Variants in FIG4 observed in about 807,000 individuals in gnomAD.
FIG4 encodes polyphosphoinositide phosphatase.
FIG4 carries 112 observed loss-of-function variants against 118.6 expected under a neutral mutation model. The observed-to-expected ratio is 0.94, with a 90% CI of 0.81 to 1.11. The LOEUF is 1.11. Among genes scored for constraint, FIG4 ranks in the 50% least tolerant of loss-of-function variants. The pLI is 0.00. For synonymous variants in FIG4, 369 were observed against 381.2 expected, an observed-to-expected ratio of 0.97 and a Z score of 0.37; for missense variants, 969 against 1,111.7, an observed-to-expected ratio of 0.87 and a Z score of 1.83.
intron 22 of FIG4, among the ~76,000 whole-genome samples, chr6:109,804,080 T>A (rs1266946434): frequency 6.6e-6 from 1 of 152,180 alleles, no homozygotes; most frequent in African/African-American, 2.4e-5. Context: ...GAAGACTTTA[T>A]GGTTTTTAAT....
At chr6:109,744,805 A>T (rs1253042709) in intron 10 of FIG4, among the ~76,000 whole-genome samples, 1 of 84,732 alleles carries the variant, frequency 1.2e-5, no homozygotes, top group African/African-American at 4.3e-5. Flanking sequence ...CCCACCCCCC[A>T]ACAGGCCCCA....
chr6:109,799,636 A>G (rs1451064954), intron 22 of FIG4, among the ~76,000 whole-genome samples: 2 of 152,236 alleles, frequency 1.3e-5, no homozygotes, highest in Non-Finnish European at 2.9e-5. Flanking sequence ...TGAAATCATG[A>G]AGAAACCATT....
chr6:109,699,878 G>C lies in FIG4; in HGVS notation c.66+8377G>C, dbSNP rs138750800. Among the ~76,000 whole-genome samples the C allele has an allele frequency of 3.8e-3, 572 of 152,234 alleles. 1 individual carries two copies. Among genetic ancestry groups the C allele is most frequent in the South Asian group, 8.3e-3 (40 of 4,816 alleles). On this transcript the variant is annotated intron_variant, in intron 1 of 22. Transcript: ENST00000230124. ...GTAACAAAATCCCATCAACTAGTTG[G>C]CTTACGATTTTCACAGTTTGGAGGC...
chr6:109,727,350 A>G, intron 4 of FIG4, 85 bp downstream of exon 4: 1 of 1,110,972 alleles, frequency 9.0e-7, no homozygotes, highest in Non-Finnish European at 1.4e-6. Context: ...ATATAATGGC[A>G]TGGTCATAGC....
intron 10 of FIG4, among the ~76,000 whole-genome samples, chr6:109,746,939 G>T (rs1369566941): frequency 6.6e-6 from 1 of 151,936 alleles, no homozygotes; most frequent in Non-Finnish European, 1.5e-5. Context: ...AGGGAGTAGG[G>T]GGTGTCAGGC....
At chr6:109,825,041 C>G (rs377682591) in intron 22 of FIG4, 47 bp from the exon 23 acceptor site, 23 of 1,566,986 alleles carry the variant, frequency 1.5e-5, no homozygotes, top group Admixed American at 3.3e-5. Flanking sequence ...TGTGGTCCTT[C>G]CTTATATTTT....
Position 109,691,489 on chromosome 6 carries a change from T to C in FIG4, c.54T>C (p.Tyr18=), listed in dbSNP as rs746307320. 1.4e-5 allele frequency: 22 copies of C among 1,580,010 alleles called. No homozygotes were observed. The Admixed American group carries it at 2.5e-4, about 18-fold the overall frequency. The change falls in exon 1 of 23, where the codon TAT becomes TAC. Residue 18 remains tyrosine, a synonymous_variant. Transcript: ENST00000230124. ...IISSVQKLVL[Y]ETRARYFLVG... ...GCTCGGTCCAGAAGCTGGTTCTGTA[T>C]GAGACTAGAGCTGTGAGTACCCCCT... is the stretch of plus-strand genomic sequence containing the variant.
intron 3 of FIG4, among the ~76,000 whole-genome samples, chr6:109,720,346 T>C (rs1225814668): frequency 6.6e-6 from 1 of 152,246 alleles, no homozygotes; most frequent in Non-Finnish European, 1.5e-5. Flanking sequence ...ACGTGTGAAA[T>C]GACTAGAATG....
At chr6:109,724,031 T>G (rs1775695907) in intron 3 of FIG4, among the ~76,000 whole-genome samples, 1 of 152,184 alleles carries the variant, frequency 6.6e-6, no homozygotes, top group Non-Finnish European at 1.5e-5. Flanking sequence ...TCCATGAAGT[T>G]TGTTCTTTTG....
Position 109,766,816 on chromosome 6 carries a change from C to T in FIG4, c.1671C>T (p.Tyr557=), listed in dbSNP as rs1164244433. ...AACTTGTTCATCGTGTGAAAACCTA[C>T]AGAAAGATAGCACCATGGACCCAGC... ...GSQLVHRVKT[Y]RKIAPWTQHS... Residue 557 remains tyrosine, a synonymous_variant, in exon 15 of 23, where the codon TAC becomes TAT. Transcript: ENST00000230124. 1 of 1,613,886 alleles carries T rather than the reference C, an allele frequency of 6.2e-7. No homozygotes were observed. The highest frequency in any genetic ancestry group is 8.5e-7 in the Non-Finnish European group (1 of 1,179,820).
Position 109,786,367 on chromosome 6 carries a change from G to A in FIG4, c.2014G>A (p.Asp672Asn). 6.2e-7 allele frequency: 1 copy of A among 1,613,738 alleles called. No homozygotes were observed. Among genetic ancestry groups the A allele is most frequent in the South Asian group, 1.1e-5 (1 of 91,072 alleles). ...ATTCCACAAATATGAAGAAGAGATT[G>A]ATATCCACAATGAGTTCTTTCGGCC... ...KKFHKYEEEI[D>N]IHNEFFRPYE... is the part of the protein sequence containing the mutation. Residue 672 changes from aspartate to asparagine, a missense_variant, in exon 18 of 23, where the codon GAT becomes AAT. Around this residue, in one of 3 missense-constraint regions of FIG4, gnomAD observed 330 missense variants for 348.1 expected, o/e 0.95. Transcript: ENST00000230124.
intron 7 of FIG4, 63 bp from the exon 8 acceptor site, chr6:109,741,381 A>G: frequency 4.0e-6 from 4 of 1,011,754 alleles, no homozygotes; most frequent in Non-Finnish European, 6.3e-6. Context: ...TTTAAGGAAT[A>G]ATGACTCTCT....
intron 17 of FIG4, among the ~76,000 whole-genome samples, chr6:109,785,256 G>T (rs1040146621): frequency 1.3e-5 from 2 of 152,114 alleles, no homozygotes. Flanking sequence ...CCAATACCTT[G>T]TATTGTGTCT....
At chr6:109,741,330 G>A in intron 7 of FIG4, 114 bp from the exon 8 acceptor site, 1 of 789,040 alleles carries the variant, frequency 1.3e-6, no homozygotes, top group South Asian at 1.3e-5. Context: ...GGAGCTTTTG[G>A]TGTTCTTTAA....
Position 109,762,317 on chromosome 6 carries a change from G to A in FIG4, c.1388+110G>A, listed in dbSNP as rs1032934126. The A allele has an allele frequency of 5.5e-6, 4 of 727,806 alleles. No homozygotes were observed. The African/African-American group carries it at 7.0e-5, about 13-fold the overall frequency. 45.1% of individuals were successfully genotyped at this position (727,806 alleles called of 1,614,324 possible). On this transcript the variant is annotated intron_variant, in intron 12 of 22. Transcript: ENST00000230124. ...AAATTGGATGAATTTAGTCCTGGGG[G>A]GAGGCACACTGCTCACATGACTGAG...
At chr6:109,753,377 G>C (rs1371389014) in intron 10 of FIG4, among the ~76,000 whole-genome samples, 7 of 151,884 alleles carry the variant, frequency 4.6e-5, no homozygotes, top group Non-Finnish European at 8.8e-5. Context: ...CAGGTAGCGT[G>C]ATGCCTCCAG....
intron 15 of FIG4, among the ~76,000 whole-genome samples, chr6:109,773,201 T>C (rs1777518086): frequency 6.6e-6 from 1 of 152,222 alleles, no homozygotes; most frequent in African/African-American, 2.4e-5. Context: ...CTCTAAAGGA[T>C]TAATGTGATT....
At chr6:109,699,484 GTTTT>G (rs1223621877) in intron 1 of FIG4, among the ~76,000 whole-genome samples, 4 of 146,654 alleles carry the variant, frequency 2.7e-5, no homozygotes, top group African/African-American at 1.0e-4. Context: ...CTCATACGCG[GTTTT>G]TTTTTGTTTG....
chr6:109,692,120 T>C (rs1195763470), intron 1 of FIG4, among the ~76,000 whole-genome samples: 1 of 152,162 alleles, frequency 6.6e-6, no homozygotes, highest in Non-Finnish European at 1.5e-5. Flanking sequence ...TGAATGGCCA[T>C]GTAAATAGTG....
Sources: gnomAD v4.1 joint callset for allele counts (sites outside exome capture counted in the v4.1 genomes callset) on GRCh38, gnomAD v4.1.1 for gene constraint, gnomAD v4.1.1 regional missense constraint, MANE v1.5 for transcripts, NCBI Gene and HGNC (gene_info 2026-07-23, HGNC 2026-07-21) for gene names.